Variants in CTNND2 observed in about 807,000 individuals in gnomAD.
CTNND2 encodes the protein catenin delta 2.
A neutral mutation model predicts 144.4 loss-of-function variants in CTNND2; 22 were observed. The ratio of observed to expected loss-of-function variants is 0.15; its 90% CI spans 0.11 to 0.22. The LOEUF is 0.22. Among genes scored for constraint, CTNND2 ranks in the 10% least tolerant of loss-of-function variants. The probability of loss-of-function intolerance (pLI) is 1.00; values close to 1 mark genes in which losing one functional copy is unlikely to be tolerated. For missense variants in CTNND2, 1,353 were observed against 1,618.8 expected (o/e 0.84, Z 2.82); for synonymous variants, 751 against 695.6 (o/e 1.08, Z -1.25).
chr5:11,770,457 AAGGAAGGGGT>A (rs1264487700), intron 1 of CTNND2, among the ~76,000 whole-genome samples: 2 of 117,790 alleles, frequency 1.7e-5, no homozygotes, highest in Non-Finnish European at 3.5e-5. Context: ...GGAAGGAAGG[AAGGAAGGGGT>A]AGGGGTAGGG....
chr5:11,015,625 G>T (rs1484183950), intron 18 of CTNND2, among the ~76,000 whole-genome samples: 1 of 152,168 alleles, frequency 6.6e-6, no homozygotes, highest in African/African-American at 2.4e-5. Context: ...GACTATTCAA[G>T]AAAGAGCCTG....
chr5:11,373,462 A>T (rs1561294629), intron 7 of CTNND2, among the ~76,000 whole-genome samples: 1 of 152,182 alleles, frequency 6.6e-6, no homozygotes, highest in East Asian at 1.9e-4. Context: ...AGAGGCAAGT[A>T]TCTAGGTTCC....
At chr5:11,370,663 A>G (rs1344079214) in intron 7 of CTNND2, among the ~76,000 whole-genome samples, 1 of 152,230 alleles carries the variant, frequency 6.6e-6, no homozygotes, top group East Asian at 1.9e-4. Flanking sequence ...ACCTGCCTTT[A>G]CAAAGAAATA....
At chr5:11,419,338 T>C (rs896581295) in intron 3 of CTNND2, among the ~76,000 whole-genome samples, 2 of 152,184 alleles carry the variant, frequency 1.3e-5, no homozygotes, top group Non-Finnish European at 2.9e-5. Flanking sequence ...ATATGCTTAG[T>C]TAAATGTTTA....
At chr5:11,593,464 T>C (rs754006448) in intron 2 of CTNND2, among the ~76,000 whole-genome samples, 1 of 152,140 alleles carries the variant, frequency 6.6e-6, no homozygotes, top group Non-Finnish European at 1.5e-5. Flanking sequence ...ACGATTGATA[T>C]AGTTTGGCTG....
At chr5:11,019,254 A>C (rs1741972657) in intron 17 of CTNND2, among the ~76,000 whole-genome samples, 1 of 152,226 alleles carries the variant, frequency 6.6e-6, no homozygotes, top group South Asian at 2.1e-4. Context: ...AGATCCTTTC[A>C]TGAATCCAGA....
At chr5:11,353,063 T>C (rs956955679) in intron 8 of CTNND2, among the ~76,000 whole-genome samples, 5 of 59,268 alleles carry the variant, frequency 8.4e-5, no homozygotes, top group Admixed American at 5.0e-4. Context: ...ATACACAGTC[T>C]TTTTTTTTTT....
chr5:11,101,294 T>A (rs1374101070), intron 14 of CTNND2, among the ~76,000 whole-genome samples: 2 of 152,210 alleles, frequency 1.3e-5, no homozygotes, highest in African/African-American at 4.8e-5. Flanking sequence ...GTAACATGAC[T>A]GGACGTATTC....
At chr5:11,335,928 A>G (rs867699538) in intron 9 of CTNND2, among the ~76,000 whole-genome samples, 1 of 152,044 alleles carries the variant, frequency 6.6e-6, no homozygotes, top group Non-Finnish European at 1.5e-5. Flanking sequence ...AACCAATCAG[A>G]CATTTGCATA....
rs1737331341 is a variant in CTNND2 at position 10,981,909 on chromosome 5, G to A, written c.3344-63C>T. On this transcript the variant is annotated intron_variant, in intron 20 of 21. Transcript: ENST00000304623. ...ACAACATTACAAATAAGGAATAGTT[G>A]TTATTGAAGCAAGTTCTTGCCCTAA... 74 of 1,403,038 alleles carry A rather than the reference G, an allele frequency of 5.3e-5. 1 individual carries two copies. The South Asian group carries it at 7.7e-4, about 15-fold the overall frequency. 86.9% of individuals were successfully genotyped at this position (1,403,038 alleles called of 1,614,324 possible). A position where few individuals can be genotyped will look rare whatever the true frequency, so the allele number is the denominator to read the frequency against.
At chr5:11,790,607 T>C (rs1029127442) in intron 1 of CTNND2, among the ~76,000 whole-genome samples, 1 of 152,240 alleles carries the variant, frequency 6.6e-6, no homozygotes, top group African/African-American at 2.4e-5. Context: ...TGAATGTGAA[T>C]GTGAACATTT....
At chr5:11,183,299 T>C (rs32281) in intron 11 of CTNND2, among the ~76,000 whole-genome samples, 7,098 of 152,252 alleles carry the variant, frequency 0.047, 333 homozygotes, top group African/African-American at 0.11. Flanking sequence ...CTATCTCCTG[T>C]TAATTTAACG....
intron 9 of CTNND2, among the ~76,000 whole-genome samples, chr5:11,345,998 CATG>C (rs1046927263): frequency 2.6e-5 from 4 of 152,098 alleles, no homozygotes; most frequent in Non-Finnish European, 5.9e-5. Flanking sequence ...TAGAAATACG[CATG>C]ATGACAAAGC....
intron 13 of CTNND2, among the ~76,000 whole-genome samples, chr5:11,112,694 G>A (rs1168306949): frequency 1.3e-5 from 2 of 152,230 alleles, no homozygotes; most frequent in Non-Finnish European, 2.9e-5. Context: ...GCAGGAGATG[G>A]CACAGTGCGG....
chr5:11,240,206 CCCCCA>C (rs1561074106), intron 9 of CTNND2, among the ~76,000 whole-genome samples: 11 of 113,292 alleles, frequency 9.7e-5, no homozygotes, highest in African/African-American at 2.7e-4. Context: ...CACACACACA[CCCCCA>C]ACACACACAC....
intron 9 of CTNND2, among the ~76,000 whole-genome samples, chr5:11,250,483 C>CTATATATATATA (rs1265877831): frequency 1.5e-5 from 1 of 65,426 alleles, no homozygotes; most frequent in African/African-American, 8.6e-5. Flanking sequence ...CTCTCTCTCT[C>CTATATATATATA]TCTCTCTCTA....
chr5:11,614,976 T>C (rs551481290), intron 2 of CTNND2, among the ~76,000 whole-genome samples: 1 of 152,064 alleles, frequency 6.6e-6, no homozygotes, highest in East Asian at 2.0e-4. Flanking sequence ...ATATGTGTTT[T>C]GTCTCACCAT....
chr5:11,413,877 C>T (rs1422890740), intron 3 of CTNND2, among the ~76,000 whole-genome samples: 4 of 152,146 alleles, frequency 2.6e-5, no homozygotes, highest in South Asian at 2.1e-4. Flanking sequence ...AGATAGAAAA[C>T]ACTTCCATAT....
intron 2 of CTNND2, among the ~76,000 whole-genome samples, chr5:11,664,840 A>G (rs532899879): frequency 2.2e-4 from 34 of 152,286 alleles, no homozygotes; most frequent in Admixed American, 3.9e-4. Context: ...GGTCTTGTTC[A>G]GGGAATGAAG....
Sources: allele counts gnomAD v4.1 joint callset (sites outside exome capture counted in the v4.1 genomes callset), GRCh38; gene constraint gnomAD v4.1.1; transcripts MANE v1.5; gene names NCBI Gene and HGNC (gene_info 2026-07-23, HGNC 2026-07-21).